The following CDH19 variants were observed in gnomAD, a reference collection of about 807,000 sequenced individuals.
The protein encoded by CDH19 is cadherin 19, also known as cadherin-19.
In CDH19, 67 loss-of-function variants were observed where a neutral mutation model predicts 64.2. That is an observed-to-expected ratio of 1.04 (90% confidence interval 0.86 to 1.28). CDH19 has a LOEUF of 1.28. Ranked by LOEUF, CDH19 falls within the 50% of genes most tolerant of loss-of-function variation. The pLI, the probability that CDH19 is intolerant of heterozygous loss-of-function variation, is 0.00. For missense variants in CDH19, 1,030 were observed against 929.0 expected (o/e 1.11, Z -1.41); for synonymous variants, 346 against 319.3 (o/e 1.08, Z -0.89).
chr18:66,518,666 A>G (rs1471082712), intron 9 of CDH19, among the ~76,000 whole-genome samples: 2 of 152,110 alleles, frequency 1.3e-5, no homozygotes, highest in African/African-American at 4.8e-5. Flanking sequence ...GTATATTGTT[A>G]ACTTTTTATT....
intron 2 of CDH19, among the ~76,000 whole-genome samples, chr18:66,571,126 C>T (rs984404971): frequency 2.6e-5 from 4 of 151,072 alleles, no homozygotes; most frequent in African/African-American, 7.3e-5. Context: ...ACAATACACC[C>T]TCCTCCCTGC....
At chr18:66,508,907 T>G in intron 11 of CDH19, 88 bp downstream of exon 11, 1 of 1,346,824 alleles carries the variant, frequency 7.4e-7, no homozygotes, top group Non-Finnish European at 1.0e-6. Context: ...CATGTTATTT[T>G]AAATAAATGA....
Position 66,556,464 on chromosome 18 carries a change from C to T in CDH19, c.491-1940G>A, listed in dbSNP as rs202157880. The stretch of plus-strand genomic sequence containing the variant: ...TATCCCCGACACATTATTTTATTCT[C>T]TATCTTTCTATATTGAACTTTTTTT... On this transcript the variant is annotated intron_variant, in intron 3 of 11. Transcript: ENST00000262150. Among the ~76,000 whole-genome samples the T allele has an allele frequency of 4.0e-5, 6 of 151,846 alleles. No individual in the cohort carries two copies. In the East Asian group the frequency reaches 1.2e-3, roughly 29 times the overall value.
intron 1 of CDH19, among the ~76,000 whole-genome samples, chr18:66,577,561 C>G (rs944859217): frequency 6.6e-6 from 1 of 151,892 alleles, no homozygotes. Flanking sequence ...CATGAGGTCA[C>G]AAAAAGTGAA....
chr18:66,546,252 G>T (rs1987113782), intron 5 of CDH19, among the ~76,000 whole-genome samples: 1 of 152,082 alleles, frequency 6.6e-6, no homozygotes, highest in South Asian at 2.1e-4. Flanking sequence ...TAATTTTTAA[G>T]AGCTAATATT....
chr18:66,571,754 T>C (rs1306698479), intron 2 of CDH19, among the ~76,000 whole-genome samples: 1 of 151,662 alleles, frequency 6.6e-6, no homozygotes, highest in Admixed American at 6.6e-5. Context: ...CAATAAAGTT[T>C]CCAGATGTTG....
intron 5 of CDH19, among the ~76,000 whole-genome samples, chr18:66,548,413 A>G (rs1490037440): frequency 2.0e-5 from 3 of 151,912 alleles, no homozygotes; most frequent in Non-Finnish European, 4.4e-5. Flanking sequence ...GGATAAGATC[A>G]TAAAGGAATG....
intron 3 of CDH19, among the ~76,000 whole-genome samples, chr18:66,556,934 T>C (rs1363787708): frequency 1.3e-5 from 2 of 151,912 alleles, no homozygotes; most frequent in East Asian, 1.9e-4. Context: ...GGTGAGAGTA[T>C]AGAGAAAAGG....
intron 9 of CDH19, among the ~76,000 whole-genome samples, chr18:66,520,499 T>C (rs1985937991): frequency 6.6e-6 from 1 of 151,976 alleles, no homozygotes; most frequent in Non-Finnish European, 1.5e-5. Context: ...TTTTTCTTTT[T>C]TTGAGTTAAT....
At chr18:66,600,178 T>C (rs529063716) in intron 1 of CDH19, among the ~76,000 whole-genome samples, 60 of 151,984 alleles carry the variant, frequency 3.9e-4, no homozygotes, top group African/African-American at 1.3e-3. Context: ...TGTGACTTTA[T>C]TCCTAAAATT....
Position 66,509,166 on chromosome 18 carries a change from C to T in CDH19, c.1657G>A (p.Ala553Thr). The T allele has an allele frequency of 1.2e-6, 2 of 1,612,648 alleles. No homozygotes were observed. Among genetic ancestry groups the T allele is most frequent in the Non-Finnish European group, 1.7e-6 (2 of 1,179,108 alleles). ...GTAAGTGACGGGATTCCATTGTCGG[C>T]AATTAAGATGGAGATGTAGAAGACA... is the stretch of plus-strand genomic sequence containing the variant. ...EPVFYISILI[A>T]DNGIPSLTST... is the part of the protein sequence containing the mutation. Residue 553 changes from alanine (A) to threonine (T), a missense_variant, in exon 11 of 12, where the codon GCC (alanine) becomes ACC (threonine). Physicochemically the swap from Ala to Thr is moderately conservative, Grantham distance 58. Transcript: ENST00000262150.
chr18:66,597,845 G>A (rs1047895176), intron 1 of CDH19, among the ~76,000 whole-genome samples: 8 of 151,944 alleles, frequency 5.3e-5, no homozygotes, highest in Non-Finnish European at 1.2e-4. Flanking sequence ...TAAAAAATGA[G>A]AACACCTGGA....
At chr18:66,565,909 AGTAT>A (rs1987892454) in intron 3 of CDH19, among the ~76,000 whole-genome samples, 1 of 151,970 alleles carries the variant, frequency 6.6e-6, no homozygotes, top group African/African-American at 2.4e-5. Context: ...GCACTCACAC[AGTAT>A]GTATTGATTA....
rs1465714972 is a variant in CDH19 at position 66,535,068 on chromosome 18, A to G, written c.1254T>C (p.Asp418=). 4.0e-6 allele frequency: 6 copies of G among 1,509,022 alleles called. 1 individual carries two copies. The South Asian group carries it at 7.9e-5, about 20-fold the overall frequency. The allele number at this position is 1,509,022 out of a possible 1,614,324, so 93.5% of individuals were successfully genotyped here. A position where few individuals can be genotyped will look rare whatever the true frequency, so the allele number is the denominator to read the frequency against. Residue 418 remains aspartate (D), a synonymous_variant, in exon 8 of 12, where the codon GAT becomes GAC. Transcript: ENST00000262150. ...AGTTACTTGTAGTGATTGTACCATTATCATTGATATTGAACACTTTGCTCC... is the reference window on the plus strand; with the variant it reads ...AGTTACTTGTAGTGATTGTACCATTGTCATTGATATTGAACACTTTGCTCC... ...ITRSKVFNIN[D]NGTITTSNSL...
intron 1 of CDH19, among the ~76,000 whole-genome samples, chr18:66,573,601 G>A (rs1458784126): frequency 6.7e-6 from 1 of 148,482 alleles, no homozygotes; most frequent in Non-Finnish European, 1.5e-5. Context: ...AAAATATTTG[G>A]AACTGGTACA....
intron 3 of CDH19, among the ~76,000 whole-genome samples, chr18:66,562,541 G>A (rs1051621671): frequency 3.3e-5 from 5 of 151,940 alleles, no homozygotes; most frequent in African/African-American, 7.3e-5. Flanking sequence ...TGTGCAGCCC[G>A]GTTCCTAAGA....
In CDH19 at chr18:66,543,869, T is replaced by A. The variant is rs1038428052; in HGVS notation, c.1214+102A>T. ...CTGTACTCGAGCCTAGAAGACAGAG[T>A]GAGACTCCCTCTCAATTAAAAAAAA... On this transcript the variant is annotated intron_variant, in intron 7 of 11. Coordinates refer to ENST00000262150, the MANE Select transcript of CDH19 (RefSeq NM_021153.4). The A allele has an allele frequency of 4.5e-5, 38 of 846,488 alleles. No individual in the cohort carries two copies. The African/African-American group carries it at 6.2e-4, about 14-fold the overall frequency. 52.4% of individuals were successfully genotyped at this position (846,488 alleles called of 1,614,324 possible).
At chr18:66,535,514 T>G (rs1986627383) in intron 7 of CDH19, among the ~76,000 whole-genome samples, 1 of 150,710 alleles carries the variant, frequency 6.6e-6, no homozygotes, top group Non-Finnish European at 1.5e-5. Context: ...AAAGTAAATT[T>G]GATAAAAAGT....
At chr18:66,589,639 CACTGCCAAATGGTATAGAAAGTACTA>C (rs1420731432) in intron 1 of CDH19, among the ~76,000 whole-genome samples, 263 of 151,806 alleles carry the variant, frequency 1.7e-3, no homozygotes, top group African/African-American at 4.8e-3. Flanking sequence ...TAGTAAGCAC[CACTGCCAAATGGTATAGAAAGTACTA>C]TTTTGTTATG....
Sources: gnomAD v4.1 joint callset for allele counts (sites outside exome capture counted in the v4.1 genomes callset) on GRCh38, gnomAD v4.1.1 for gene constraint, MANE v1.5 for transcripts, NCBI Gene and HGNC (gene_info 2026-07-23, HGNC 2026-07-21) for gene names.